The following WDFY3 variants were observed in gnomAD, a reference collection of about 807,000 sequenced individuals.
WDFY3 encodes the protein WD repeat and FYVE domain containing 3, also known as WD repeat and FYVE domain-containing protein 3.
A neutral mutation model predicts 409.6 loss-of-function variants in WDFY3; 66 were observed. That is an observed-to-expected ratio of 0.16 (90% confidence interval 0.13 to 0.20). The LOEUF (loss-of-function observed/expected upper bound fraction) is 0.20, where lower values mean the gene tolerates loss of function less well. WDFY3 is among the 10% of genes least tolerant of loss of function. The pLI, the probability that WDFY3 is intolerant of heterozygous loss-of-function variation, is 1.00. For synonymous variants in WDFY3, 1,521 were observed against 1,537.1 expected (o/e 0.99, Z 0.25); for missense variants, 3,031 against 4,298.1 (o/e 0.71, Z 8.24).
At position 84,761,173 on chromosome 4, in the gene WDFY3, G is replaced by C. The variant is rs566077847; in HGVS notation, c.5189-4012C>G. ...TGATTGCACTGTGGTCTGAGAGATA[G>C]TTTGTTATAATTTCTGTTCTTTTAC... On this transcript the variant is annotated intron_variant, in intron 32 of 67. Transcript: ENST00000295888. Among the ~76,000 whole-genome samples the C allele has an allele frequency of 1.9e-3, 292 of 152,158 alleles. 2 individuals are homozygous for C. The highest frequency in any genetic ancestry group is 6.7e-3 in the African/African-American group (280 of 41,524).
At chr4:84,961,796 G>A (rs1191009527) in intron 1 of WDFY3, among the ~76,000 whole-genome samples, 2 of 152,160 alleles carry the variant, frequency 1.3e-5, no homozygotes, top group Non-Finnish European at 2.9e-5. Flanking sequence ...AATACCAAGT[G>A]CTGATAAAGA....
chr4:84,686,564 G>C (rs1347478596), intron 62 of WDFY3, among the ~76,000 whole-genome samples: 1 of 152,146 alleles, frequency 6.6e-6, no homozygotes, highest in Non-Finnish European at 1.5e-5. Flanking sequence ...CATCCTTCAA[G>C]AGGAAAGCTG....
chr4:84,786,189 A>G, intron 23 of WDFY3, 50 bp from the exon 24 acceptor site: 1 of 1,518,438 alleles, frequency 6.6e-7, no homozygotes. Context: ...TTCTCATCTT[A>G]AAGTAAGTTT....
chr4:84,899,759 G>A (rs147036796), intron 2 of WDFY3, among the ~76,000 whole-genome samples: 1 of 152,288 alleles, frequency 6.6e-6, no homozygotes, highest in East Asian at 1.9e-4. Context: ...ACTGGGCCAA[G>A]TGTGGTGAGT....
chr4:84,737,127 C>T, intron 41 of WDFY3, 57 bp downstream of exon 41: 3 of 1,579,524 alleles, frequency 1.9e-6, no homozygotes, highest in South Asian at 1.1e-5. Flanking sequence ...TTAAAGTATA[C>T]CCATATATGA....
rs928959345 is a variant in WDFY3, at chr4:84,671,956, G to C, written c.*912C>G. On this transcript the variant is annotated 3_prime_UTR_variant, in exon 68 of 68. Transcript: ENST00000295888. ...AAATATATTTCCATTAGTTGAGACA[G>C]GGCTGTTTCCTGCACTACACTGGTC... 8 of 152,176 alleles carry C rather than the reference G, an allele frequency of 5.3e-5. No homozygotes were observed. Among genetic ancestry groups the C allele is most frequent in the African/African-American group, 1.9e-4 (8 of 41,434 alleles). The allele number at this position is 152,176 out of a possible 1,614,324, so 9.4% of individuals were successfully genotyped here. A position where few individuals can be genotyped will look rare whatever the true frequency, so the allele number is the denominator to read the frequency against.
chr4:84,702,757 T>C (rs1731251756), intron 55 of WDFY3, among the ~76,000 whole-genome samples: 1 of 152,190 alleles, frequency 6.6e-6, no homozygotes, highest in Admixed American at 6.5e-5. Flanking sequence ...TTTTAAAAAG[T>C]CATCCAAAAA....
chr4:84,927,482 G>T (rs1770154334), intron 2 of WDFY3, among the ~76,000 whole-genome samples: 1 of 152,128 alleles, frequency 6.6e-6, no homozygotes, highest in Non-Finnish European at 1.5e-5. Context: ...GGTTGATTTG[G>T]AGTATCAACA....
At chr4:84,818,694 G>A (rs1753660608) in intron 12 of WDFY3, among the ~76,000 whole-genome samples, 1 of 152,070 alleles carries the variant, frequency 6.6e-6, no homozygotes, top group African/African-American at 2.4e-5. Context: ...GGACCCACTA[G>A]ATAATCATAA....
At chr4:84,696,630 T>G in intron 57 of WDFY3, 102 bp downstream of exon 57, 1 of 1,153,884 alleles carries the variant, frequency 8.7e-7, no homozygotes, top group Non-Finnish European at 1.3e-6. Context: ...CCTGGCTGTA[T>G]TAGTAACAAA....
At chr4:84,903,226 A>G (rs1766575475) in intron 2 of WDFY3, among the ~76,000 whole-genome samples, 1 of 152,198 alleles carries the variant, frequency 6.6e-6, no homozygotes, top group Non-Finnish European at 1.5e-5. Flanking sequence ...CATATTTCAA[A>G]TAAATGGAAA....
Position 84,756,936 on chromosome 4 carries a change from T to C in WDFY3, c.5414A>G (p.Gln1805Arg), listed in dbSNP as rs971274006. ...CTAGATAATTCCTACCTGGCAACCCTGCTTACTCCGGCAGCTGATGACAGG... is the reference window on the plus strand; with the variant it reads ...CTAGATAATTCCTACCTGGCAACCCCGCTTACTCCGGCAGCTGATGACAGG... ...SVPVISCRSKQGCQFDLDSIW... is the reference protein window; with the variant it reads ...SVPVISCRSKRGCQFDLDSIW... The change falls in exon 33 of 68, where the codon CAG (glutamine) becomes CGG (arginine). Residue 1805 changes from glutamine to arginine, a missense_variant. Physicochemically the swap from Gln to Arg is conservative, Grantham distance 43 (BLOSUM62 1). This residue lies in a region of WDFY3 where 342 missense variants were observed against 463.7 expected (regional missense o/e 0.74). Coordinates refer to ENST00000295888, the MANE Select transcript of WDFY3 (RefSeq NM_014991.6). The C allele has an allele frequency of 1.2e-6, 2 of 1,613,850 alleles. No homozygotes were observed. The highest frequency in any genetic ancestry group is 1.7e-5 in the Admixed American group (1 of 60,010).
At chr4:84,786,765 C>T (rs1220873145) in intron 23 of WDFY3, among the ~76,000 whole-genome samples, 1 of 152,182 alleles carries the variant, frequency 6.6e-6, no homozygotes, top group Non-Finnish European at 1.5e-5. Flanking sequence ...CAGCTACATC[C>T]TTCATGTGTA....
At chr4:84,870,110 A>G (rs565361487) in intron 3 of WDFY3, among the ~76,000 whole-genome samples, 1 of 152,370 alleles carries the variant, frequency 6.6e-6, no homozygotes, top group African/African-American at 2.4e-5. Flanking sequence ...GAAACAGTCT[A>G]GTCCTTTAAC....
chr4:84,932,663 G>C (rs559197714), intron 1 of WDFY3, among the ~76,000 whole-genome samples: 1 of 152,146 alleles, frequency 6.6e-6, no homozygotes, highest in Admixed American at 6.5e-5. Flanking sequence ...CTTAGTGTTA[G>C]AGCCAGATTC....
intron 50 of WDFY3, among the ~76,000 whole-genome samples, chr4:84,714,359 C>T (rs1733471359): frequency 6.6e-6 from 1 of 152,206 alleles, no homozygotes; most frequent in Non-Finnish European, 1.5e-5. Context: ...ATCCTCCCTC[C>T]TTGGCCTCAC....
intron 58 of WDFY3, 116 bp from the exon 59 acceptor site, chr4:84,693,148 A>G (rs1210392946): frequency 9.2e-7 from 1 of 1,092,522 alleles, no homozygotes; most frequent in Admixed American, 3.0e-5. Context: ...ATTAGGTACT[A>G]TATTATCCTC....
chr4:84,755,212 A>G (rs896700045), intron 34 of WDFY3, 54 bp downstream of exon 34: 7 of 1,582,256 alleles, frequency 4.4e-6, no homozygotes, highest in Non-Finnish European at 6.0e-6. Context: ...TTTACAAAAA[A>G]GTATCCTAGG....
intron 21 of WDFY3, among the ~76,000 whole-genome samples, chr4:84,790,127 A>G (rs1748250654): frequency 6.6e-6 from 1 of 152,088 alleles, no homozygotes; most frequent in Non-Finnish European, 1.5e-5. Context: ...AGGCGGGCGG[A>G]TCACCTGACG....
Sources: allele counts gnomAD v4.1 joint callset (sites outside exome capture counted in the v4.1 genomes callset), GRCh38; gene constraint gnomAD v4.1.1; regional missense constraint gnomAD v4.1.1; transcripts MANE v1.5; gene names NCBI Gene and HGNC (gene_info 2026-07-23, HGNC 2026-07-21).